The following FBXO10 variants were observed in gnomAD, a reference collection of about 807,000 sequenced individuals.
FBXO10 encodes the protein F-box only protein 10.
Under a neutral mutation model 80.7 loss-of-function variants are expected in FBXO10, and 39 were observed. The observed-to-expected ratio is 0.48, with a 90% CI of 0.37 to 0.63. FBXO10 has a LOEUF of 0.63. Among genes scored for constraint, FBXO10 ranks in the 30% least tolerant of loss-of-function variants. FBXO10 has a pLI of 0.00. For missense variants in FBXO10, 1,025 were observed against 1,269.0 expected, an observed-to-expected ratio of 0.81 and a Z score of 2.92; for synonymous variants, 449 against 489.6, an observed-to-expected ratio of 0.92 and a Z score of 1.09.
Position 37,541,659 on chromosome 9 carries a change from A to T in FBXO10, c.110T>A (p.Ile37Asn). ...SLVCRAWYEL[I>N]LSLDSTRWRQ... The stretch of plus-strand genomic sequence containing the variant: ...CCAGCGGGTGCTGTCGAGACTGAGG[A>T]TCAGTTCATACCAGGCCCTGCATAC... Residue 37 changes from isoleucine to asparagine, a missense_variant, in exon 2 of 11, where the codon ATC (isoleucine) becomes AAC (asparagine). Ile to Asn is a moderately radical substitution (Grantham distance 149). Transcript: ENST00000432825. 1 of 1,613,910 alleles carries T rather than the reference A, an allele frequency of 6.2e-7. No individual in the cohort carries two copies. Among genetic ancestry groups the T allele is most frequent in the Non-Finnish European group, 8.5e-7 (1 of 1,179,866 alleles).
At chr9:37,554,426 C>G (rs192305452) in intron 1 of FBXO10, among the ~76,000 whole-genome samples, 1 of 152,168 alleles carries the variant, frequency 6.6e-6, no homozygotes, top group African/African-American at 2.4e-5. Flanking sequence ...ATGCTGAGGA[C>G]TATTTCGTGC....
intron 10 of FBXO10, among the ~76,000 whole-genome samples, chr9:37,514,501 T>C (rs1821134581): frequency 6.6e-6 from 1 of 152,160 alleles, no homozygotes; most frequent in Non-Finnish European, 1.5e-5. Flanking sequence ...TAGTTTATAA[T>C]GTAAATAATA....
intron 1 of FBXO10, among the ~76,000 whole-genome samples, chr9:37,543,304 G>A (rs542293940): frequency 2.0e-5 from 3 of 152,136 alleles, no homozygotes; most frequent in South Asian, 2.1e-4. Context: ...AAGGATCCCC[G>A]ACCTCTTGAC....
intron 3 of FBXO10, among the ~76,000 whole-genome samples, chr9:37,533,872 C>A (rs942777159): frequency 5.9e-3 from 633 of 108,020 alleles, no homozygotes; most frequent in Admixed American, 7.6e-3. Flanking sequence ...GACTCCGTCT[C>A]AAAAAAAAAA....
chr9:37,575,704 G>A (rs1822876970), intron 1 of FBXO10: 1 of 152,170 alleles, frequency 6.6e-6, no homozygotes, highest in African/African-American at 2.4e-5. Flanking sequence ...TTTGTTTAAA[G>A]ATGAAAAAAC....
At chr9:37,548,999 C>T (rs540433213) in intron 1 of FBXO10, among the ~76,000 whole-genome samples, 32 of 152,276 alleles carry the variant, frequency 2.1e-4, no homozygotes, top group African/African-American at 7.2e-4. Flanking sequence ...CCACCCGCCT[C>T]GGCCTCCCAA....
intron 1 of FBXO10, 145 bp from the exon 2 acceptor site, chr9:37,541,919 T>C: frequency 1.5e-6 from 1 of 677,508 alleles, no homozygotes; most frequent in Non-Finnish European, 2.4e-6. Context: ...AACCTCCACC[T>C]CCCAGATTCA....
At chr9:37,555,314 T>C (rs746454909) in intron 1 of FBXO10, among the ~76,000 whole-genome samples, 5 of 152,170 alleles carry the variant, frequency 3.3e-5, no homozygotes, top group Non-Finnish European at 7.3e-5. Context: ...GATGTTGAGA[T>C]TTTTTGCATG....
chr9:37,550,884 A>C (rs1822182643), intron 1 of FBXO10, among the ~76,000 whole-genome samples: 2 of 152,194 alleles, frequency 1.3e-5, no homozygotes, highest in African/African-American at 2.4e-5. Context: ...CAATAGCCCC[A>C]AAAAGTCTTA....
At chr9:37,518,787 C>T (rs1378433288) in intron 8 of FBXO10, among the ~76,000 whole-genome samples, 1 of 152,190 alleles carries the variant, frequency 6.6e-6, no homozygotes, top group African/African-American at 2.4e-5. Context: ...TGACGGGGTG[C>T]TCACTGCCGC....
chr9:37,519,896 C>T (rs1238933819), intron 8 of FBXO10, among the ~76,000 whole-genome samples: 1 of 137,004 alleles, frequency 7.3e-6, no homozygotes, highest in Admixed American at 7.5e-5. Context: ...TAGCTCACTG[C>T]AACCTCGAAC....
At chr9:37,529,062 CA>C in intron 5 of FBXO10, 61 bp downstream of exon 5, 2 of 1,602,482 alleles carry the variant, frequency 1.2e-6, no homozygotes. Flanking sequence ...AGAGTGTTTT[CA>C]AATGGAGGAG....
intron 1 of FBXO10, among the ~76,000 whole-genome samples, chr9:37,565,212 G>T (rs1822573585): frequency 6.6e-6 from 1 of 152,156 alleles, no homozygotes; most frequent in Non-Finnish European, 1.5e-5. Context: ...GGCCTCCCCA[G>T]CCATGTGGAA....
chr9:37,527,305 A>G lies in FBXO10; in HGVS notation c.1706+1819T>C, dbSNP rs150787025. 5.3e-5 allele frequency among the ~76,000 whole-genome samples: 8 copies of G among 152,320 alleles called. 1 individual carries two copies. The East Asian group carries it at 1.3e-3, about 26-fold the overall frequency. On this transcript the variant is annotated intron_variant, in intron 5 of 10. Transcript: ENST00000432825. ...AGTTCCTCTTGCCTTGTAAGGCAAC[A>G]TATGCACAGGGTTCAGGGACTAAGA...
intron 1 of FBXO10, among the ~76,000 whole-genome samples, chr9:37,545,786 A>G (rs1822041515): frequency 6.6e-6 from 1 of 152,182 alleles, no homozygotes; most frequent in South Asian, 2.1e-4. Context: ...AACAACTATA[A>G]AGCTGGACAA....
intron 2 of FBXO10, among the ~76,000 whole-genome samples, chr9:37,540,485 T>G (rs920590003): frequency 6.6e-6 from 1 of 152,134 alleles, no homozygotes; most frequent in Non-Finnish European, 1.5e-5. Context: ...CCAAAAATCT[T>G]TTATTTTTTA....
intron 1 of FBXO10, among the ~76,000 whole-genome samples, chr9:37,563,663 G>A (rs908116916): frequency 6.6e-6 from 1 of 152,222 alleles, no homozygotes; most frequent in East Asian, 1.9e-4. Flanking sequence ...GAGACTCACA[G>A]CATTTTGTCC....
At position 37,541,493 on chromosome 9, in the gene FBXO10, C is replaced by T. The variant is rs758346809; in HGVS notation, c.276G>A (p.Leu92=). Residue 92 remains leucine, a synonymous_variant, in exon 2 of 11, where the codon TTG becomes TTA. Coordinates refer to ENST00000432825, the MANE Select transcript of FBXO10 (RefSeq NM_012166.3). ...ATAGAGAAAAGCAGATGGAAGACTC[C>T]AAGTCCAAGGCATTCTTGGTCCATG... ...SKTWTKNALD[L]ESSICFSLFR... is the part of the protein sequence containing the mutation. The T allele has an allele frequency of 6.2e-6, 10 of 1,613,886 alleles. No homozygotes were observed. The highest frequency in any genetic ancestry group is 1.7e-5 in the Admixed American group (1 of 60,002).
At chr9:37,525,819 A>G (rs1430560516) in intron 5 of FBXO10, among the ~76,000 whole-genome samples, 1 of 152,124 alleles carries the variant, frequency 6.6e-6, no homozygotes, top group Non-Finnish European at 1.5e-5. Context: ...GATTACAGGC[A>G]TGAGCCACCG....
Sources: allele counts gnomAD v4.1 joint callset (sites outside exome capture counted in the v4.1 genomes callset), GRCh38; gene constraint gnomAD v4.1.1; transcripts MANE v1.5; gene names NCBI Gene and HGNC (gene_info 2026-07-23, HGNC 2026-07-21).